The following KDM4C variants were observed in gnomAD, a reference collection of about 807,000 sequenced individuals.
The protein encoded by KDM4C is lysine demethylase 4C, also known as lysine-specific demethylase 4C.
Under a neutral mutation model 129.3 loss-of-function variants are expected in KDM4C, and 81 were observed. The ratio of observed to expected loss-of-function variants is 0.63; its 90% CI spans 0.52 to 0.75. The LOEUF (loss-of-function observed/expected upper bound fraction) is 0.75. KDM4C is among the 30% of genes least tolerant of loss of function. The pLI is 0.00. For synonymous variants in KDM4C, 573 were observed against 456.1 expected (o/e 1.26, Z -3.26); for missense variants, 1,457 against 1,304.0 (o/e 1.12, Z -1.81).
chr9:7,066,072 A>G (rs1465411616), intron 17 of KDM4C, among the ~76,000 whole-genome samples: 2 of 152,134 alleles, frequency 1.3e-5, no homozygotes, highest in Non-Finnish European at 2.9e-5. Flanking sequence ...AATATAATAA[A>G]ATCATCTTCA....
chr9:6,855,616 C>T (rs1182822841), intron 5 of KDM4C, among the ~76,000 whole-genome samples: 2 of 152,092 alleles, frequency 1.3e-5, no homozygotes, highest in East Asian at 3.9e-4. Context: ...ATTTCTCCCT[C>T]CCTCCACTCT....
rs114753667 is a variant in KDM4C at position 6,804,194 on chromosome 9, A to G, written c.145-1405A>G. Among the ~76,000 whole-genome samples, 434 of 152,334 alleles carry G rather than the reference A, an allele frequency of 2.8e-3. 4 individuals are homozygous for G. The highest frequency in any genetic ancestry group is 1.0e-2 in the African/African-American group (414 of 41,566). ...ATGTTTTCTGTATCTTTTCACTCTT[A>G]GTAATTAAGTACTTAAATACTGCAG... On this transcript the variant is annotated intron_variant, in intron 2 of 21. Transcript: ENST00000381309.
chr9:6,939,904 G>T (rs1039671846), intron 8 of KDM4C, among the ~76,000 whole-genome samples: 10 of 151,936 alleles, frequency 6.6e-5, no homozygotes, highest in African/African-American at 2.4e-4. Flanking sequence ...TATCCTGTGG[G>T]TAGAAACCAC....
intron 6 of KDM4C, among the ~76,000 whole-genome samples, chr9:6,882,079 A>G (rs1844536324): frequency 6.6e-6 from 1 of 152,246 alleles, no homozygotes; most frequent in Admixed American, 6.5e-5. Flanking sequence ...TATTTTATCC[A>G]AAAGACATTA....
chr9:6,941,169 C>T (rs1285026794), intron 8 of KDM4C, among the ~76,000 whole-genome samples: 1 of 152,064 alleles, frequency 6.6e-6, no homozygotes, highest in Non-Finnish European at 1.5e-5. Context: ...CCACCATGCC[C>T]AGCTAATTTT....
chr9:7,058,637 A>T (rs1164209579), intron 17 of KDM4C, among the ~76,000 whole-genome samples: 1 of 150,658 alleles, frequency 6.6e-6, no homozygotes, highest in Non-Finnish European at 1.5e-5. Context: ...ATCTGGCATT[A>T]AAAAAAAAGC....
At chr9:7,165,727 C>A (rs1260804979) in intron 20 of KDM4C, among the ~76,000 whole-genome samples, 4 of 152,236 alleles carry the variant, frequency 2.6e-5, no homozygotes, top group African/African-American at 9.6e-5. Flanking sequence ...CAACCAGCAG[C>A]CCCTGAAGTG....
intron 5 of KDM4C, among the ~76,000 whole-genome samples, chr9:6,863,167 TC>T (rs945466765): frequency 1.3e-5 from 2 of 151,800 alleles, no homozygotes; most frequent in Non-Finnish European, 2.9e-5. Context: ...GTGCTTTAAC[TC>T]CCCCCCACCC....
chr9:6,745,378 C>T (rs949337105), intron 1 of KDM4C, among the ~76,000 whole-genome samples: 5 of 151,904 alleles, frequency 3.3e-5, no homozygotes, highest in African/African-American at 1.2e-4. Context: ...GCAGGAAGAT[C>T]GCTTGAGCAC....
At chr9:7,087,527 A>G (rs981848913) in intron 17 of KDM4C, among the ~76,000 whole-genome samples, 1 of 152,184 alleles carries the variant, frequency 6.6e-6, no homozygotes, top group African/African-American at 2.4e-5. Context: ...GTCTTGTCAT[A>G]GGAAATTTTT....
chr9:6,750,415 G>A (rs932341688), intron 1 of KDM4C, among the ~76,000 whole-genome samples: 5 of 151,528 alleles, frequency 3.3e-5, no homozygotes, highest in Non-Finnish European at 5.9e-5. Context: ...CTTCAGCCTG[G>A]GTGACAGATT....
At chr9:7,034,521 T>A (rs1453128081) in intron 15 of KDM4C, among the ~76,000 whole-genome samples, 1 of 152,244 alleles carries the variant, frequency 6.6e-6, no homozygotes. Flanking sequence ...TTGTTGCAAA[T>A]GACAAGATTT....
chr9:6,791,852 A>T (rs1826697156), intron 1 of KDM4C, among the ~76,000 whole-genome samples: 1 of 152,162 alleles, frequency 6.6e-6, no homozygotes, highest in East Asian at 1.9e-4. Flanking sequence ...GAGAAACCCC[A>T]TTTTTACTAA....
At chr9:7,116,002 C>T (rs1020886567) in intron 18 of KDM4C, among the ~76,000 whole-genome samples, 3 of 152,112 alleles carry the variant, frequency 2.0e-5, no homozygotes, top group African/African-American at 7.3e-5. Context: ...TCTCATCCTA[C>T]ACTGGTGTAG....
Position 6,990,587 on chromosome 9 carries a change from TAAAA to T in KDM4C, c.1786+68_1786+71del, listed in dbSNP as rs1350961581. On this transcript the variant is annotated intron_variant, in intron 12 of 21. Transcript: ENST00000381309. The stretch of plus-strand genomic sequence containing the variant: ...TTTTGGTGTGTAAAACAAACTATTG[TAAAA>T]AAAATTGCTGAATAGAAAAAAAATT... The T allele has an allele frequency of 3.7e-6, 4 of 1,079,694 alleles. No homozygotes were observed. In the Admixed American group the frequency reaches 1.1e-4, roughly 29 times the overall value. The allele number at this position is 1,079,694 out of a possible 1,614,324, so 66.9% of individuals were successfully genotyped here. A position where few individuals can be genotyped will look rare whatever the true frequency, so the allele number is the denominator to read the frequency against.
intron 5 of KDM4C, among the ~76,000 whole-genome samples, chr9:6,865,146 C>T (rs976607758): frequency 1.3e-5 from 2 of 151,682 alleles, no homozygotes; most frequent in African/African-American, 2.4e-5. Context: ...GTAGCTGGGA[C>T]TGCAGGTGCC....
intron 8 of KDM4C, among the ~76,000 whole-genome samples, chr9:6,955,996 C>T (rs1262790862): frequency 1.3e-5 from 2 of 152,102 alleles, no homozygotes; most frequent in Admixed American, 6.6e-5. Context: ...GTTTTAGTTC[C>T]TTCAGAAACT....
chr9:7,016,656 C>T (rs1286226711), intron 15 of KDM4C, among the ~76,000 whole-genome samples: 2 of 151,190 alleles, frequency 1.3e-5, no homozygotes, highest in East Asian at 2.0e-4. Flanking sequence ...GAACTCCTGA[C>T]CTCATTTGAT....
chr9:6,880,871 C>T (rs1256422919), intron 6 of KDM4C, among the ~76,000 whole-genome samples: 2 of 152,162 alleles, frequency 1.3e-5, no homozygotes, highest in Non-Finnish European at 1.5e-5. Context: ...TCACCCCCTG[C>T]CATCCTTATC....
Sources: allele counts gnomAD v4.1 joint callset (sites outside exome capture counted in the v4.1 genomes callset), GRCh38; gene constraint gnomAD v4.1.1; transcripts MANE v1.5; gene names NCBI Gene and HGNC (gene_info 2026-07-23, HGNC 2026-07-21).